Variants in SDK2 observed in about 807,000 individuals in gnomAD.
The protein encoded by SDK2 is protein sidekick-2.
SDK2 carries 105 observed loss-of-function variants against 253.9 expected under a neutral mutation model. That is an observed-to-expected ratio of 0.41 (90% confidence interval 0.35 to 0.49). The LOEUF is 0.49. Ranked by LOEUF, SDK2 falls within the 20% of genes least tolerant of loss-of-function variation. The probability of loss-of-function intolerance (pLI) is 0.06; values close to 1 mark genes in which losing one functional copy is unlikely to be tolerated. For missense variants in SDK2, 2,608 were observed against 3,003.0 expected, an observed-to-expected ratio of 0.87 and a Z score of 3.07; for synonymous variants, 1,249 against 1,234.9, an observed-to-expected ratio of 1.01 and a Z score of -0.24.
intron 1 of SDK2, among the ~76,000 whole-genome samples, chr17:73,581,769 GC>G (rs1276435885): frequency 6.6e-6 from 1 of 152,230 alleles, no homozygotes; most frequent in African/African-American, 2.4e-5. Flanking sequence ...ATTTCAGACA[GC>G]CCAGGTCACC....
intron 3 of SDK2, among the ~76,000 whole-genome samples, chr17:73,470,144 C>T (rs1482411014): frequency 6.6e-6 from 1 of 152,130 alleles, no homozygotes; most frequent in Non-Finnish European, 1.5e-5. Flanking sequence ...TACTCAAATG[C>T]ACACACATGA....
chr17:73,545,194 T>C (rs12938285), intron 1 of SDK2, among the ~76,000 whole-genome samples: 4,742 of 151,046 alleles, frequency 0.031, 109 homozygotes, highest in Non-Finnish European at 0.049. Context: ...GGGGTTCCCC[T>C]CCCCTGGAAA....
At chr17:73,385,954 G>A (rs370285630) in intron 31 of SDK2, 37 bp from the exon 32 acceptor site, 30 of 1,483,572 alleles carry the variant, frequency 2.0e-5, no homozygotes, top group Middle Eastern at 1.7e-4. Flanking sequence ...TCTGGGGGCC[G>A]CAGCTTCAAG....
At chr17:73,456,960 C>G (rs2063529788) in intron 3 of SDK2, among the ~76,000 whole-genome samples, 1 of 152,210 alleles carries the variant, frequency 6.6e-6, no homozygotes, top group Non-Finnish European at 1.5e-5. Context: ...GCCTAGGCAC[C>G]ACACCTGGGC....
chr17:73,391,439 C>A lies in SDK2; in HGVS notation c.3997+1G>T. ...GGGGCACGGGAAGGGCAAAGGCTTA[C>A]CAAGAATGATGCCATTGGGGGCGGC... On this transcript the variant is annotated splice_donor_variant, in intron 28 of 44. Transcript: ENST00000392650. LOFTEE classifies it high-confidence loss of function. 2 of 1,307,884 alleles carry A rather than the reference C, an allele frequency of 1.5e-6. No homozygotes were observed. Among genetic ancestry groups the A allele is most frequent in the Non-Finnish European group, 2.0e-6 (2 of 1,019,098 alleles). 81.0% of individuals were successfully genotyped at this position (1,307,884 alleles called of 1,614,324 possible). A position where few individuals can be genotyped will look rare whatever the true frequency, so the allele number is the denominator to read the frequency against.
intron 36 of SDK2, among the ~76,000 whole-genome samples, chr17:73,376,506 G>A (rs373316596): frequency 8.3e-4 from 126 of 152,338 alleles, no homozygotes; most frequent in Middle Eastern, 3.4e-3. Flanking sequence ...ATGTTCGTGC[G>A]TGTTGATGTC....
intron 1 of SDK2, among the ~76,000 whole-genome samples, chr17:73,557,965 C>T (rs1638769869): frequency 6.6e-6 from 1 of 152,214 alleles, no homozygotes; most frequent in Admixed American, 6.5e-5. Context: ...CTCTCTCAGC[C>T]TCTCCCCAGG....
At chr17:73,412,468 T>C (rs1414706300) in intron 18 of SDK2, among the ~76,000 whole-genome samples, 2 of 151,990 alleles carry the variant, frequency 1.3e-5, no homozygotes, top group Admixed American at 1.3e-4. Context: ...TTATCTGTTA[T>C]GGGCTGAGTT....
intron 37 of SDK2, among the ~76,000 whole-genome samples, chr17:73,367,700 C>T (rs189100512): frequency 6.4e-4 from 98 of 152,200 alleles, no homozygotes; most frequent in South Asian, 6.4e-3. Context: ...GACAGGGTGT[C>T]ACCATGTTGG....
At chr17:73,532,735 C>G (rs2145806094) in intron 1 of SDK2, among the ~76,000 whole-genome samples, 1 of 152,260 alleles carries the variant, frequency 6.6e-6, no homozygotes. Flanking sequence ...GAGGCTCTCT[C>G]TTGTCCCACC....
In SDK2 at chr17:73,643,476, G is replaced by A. The variant is rs1371328824; in HGVS notation, c.64+549C>T. On this transcript the variant is annotated intron_variant, in intron 1 of 44. Coordinates refer to ENST00000392650, the MANE Select transcript of SDK2 (RefSeq NM_001144952.2). The surrounding 1 kb of genome is among the most constrained non-coding windows in gnomAD (Gnocchi z 6.9). ...GCACCCCCAGCCCCAGCGGCTGGCCGAGCAGCCAGGGGCGGGCTCCCGTAC... is the reference window on the plus strand; with the variant it reads ...GCACCCCCAGCCCCAGCGGCTGGCCAAGCAGCCAGGGGCGGGCTCCCGTAC... 1.3e-5 allele frequency among the ~76,000 whole-genome samples: 2 copies of A among 152,096 alleles called. No homozygotes were observed. The highest frequency in any genetic ancestry group is 2.4e-5 in the African/African-American group (1 of 41,448).
At chr17:73,577,947 C>T (rs568250045) in intron 1 of SDK2, among the ~76,000 whole-genome samples, 7 of 152,122 alleles carry the variant, frequency 4.6e-5, no homozygotes, top group East Asian at 3.9e-4. Flanking sequence ...CAGAAGAGGA[C>T]GGCAGAAGGG....
rs140154182 is a variant in SDK2 at position 73,374,714 on chromosome 17, C to A, written c.4980+4463G>T. On this transcript the variant is annotated intron_variant, in intron 36 of 44. Transcript: ENST00000392650. ...AACTCCTGACCTCAAGTGATCTGCC[C>A]GCCTTGGGCTCCCAAAGTGCTGGGA... Among the ~76,000 whole-genome samples the A allele has an allele frequency of 2.9e-3, 436 of 151,868 alleles. 4 individuals are homozygous for A. Among genetic ancestry groups the A allele is most frequent in the African/African-American group, 0.01 (424 of 41,338 alleles).
intron 39 of SDK2, among the ~76,000 whole-genome samples, chr17:73,359,662 T>C (rs2062624898): frequency 6.6e-6 from 1 of 152,178 alleles, no homozygotes; most frequent in Admixed American, 6.5e-5. Context: ...ATTTCTTTTT[T>C]TGAGACACGT....
At position 73,642,122 on chromosome 17, in the gene SDK2, A is replaced by C. The variant is rs529322389; in HGVS notation, c.64+1903T>G. ...CCCCTCCCGCAGGAGGCGCAGGGAC[A>C]GGGGGCCACCTGGCCTTAACTTCAG... On this transcript the variant is annotated intron_variant, in intron 1 of 44. Transcript: ENST00000392650. The surrounding 1 kb of genome is among the most constrained non-coding windows in gnomAD (Gnocchi z 4.7). Among the ~76,000 whole-genome samples, 51 of 152,306 alleles carry C rather than the reference A, an allele frequency of 3.3e-4. 1 individual carries two copies. The South Asian group carries it at 9.5e-3, about 28-fold the overall frequency.
intron 36 of SDK2, among the ~76,000 whole-genome samples, chr17:73,376,724 C>T (rs775285681): frequency 7.2e-5 from 11 of 152,180 alleles, no homozygotes; most frequent in South Asian, 2.1e-4. Context: ...CTGCTGCTGG[C>T]GCTGCCCTGG....
At chr17:73,614,226 A>G (rs2046018143) in intron 1 of SDK2, among the ~76,000 whole-genome samples, 1 of 152,148 alleles carries the variant, frequency 6.6e-6, no homozygotes. Flanking sequence ...TAGCCTGGAA[A>G]GTACCCCCAC....
Position 73,483,688 on chromosome 17 carries a change from TATATATATATATATATATA to T in SDK2, c.225-11489_225-11471del, listed in dbSNP as rs1255153708. Among the ~76,000 whole-genome samples the T allele has an allele frequency of 2.8e-4, 22 of 79,622 alleles. 3 individuals are homozygous for T. The highest frequency in any genetic ancestry group is 9.1e-4 in the African/African-American group (18 of 19,730). 52.2% of individuals were successfully genotyped at this position (79,622 alleles called of 152,430 possible). A position where few individuals can be genotyped will look rare whatever the true frequency, so the allele number is the denominator to read the frequency against. On this transcript the variant is annotated intron_variant, in intron 2 of 44. Transcript: ENST00000392650. ...ATATATATATATATATATATTTATA[TATATATATATATATATATA>T]TTTTTTTTTTTTTTTAGTAGAGTTG...
chr17:73,520,318 ACGAGGTCTGGTGGCCCACTGCC>A (rs2064067756), intron 1 of SDK2: 1 of 152,368 alleles, frequency 6.6e-6, no homozygotes, highest in Admixed American at 6.5e-5. Flanking sequence ...CAGAGAACCC[ACGAGGTCTGGTGGCCCACTGCC>A]CCTTGCTGGA....
Sources: allele counts gnomAD v4.1 joint callset (sites outside exome capture counted in the v4.1 genomes callset), GRCh38; gene constraint gnomAD v4.1.1; non-coding constraint Gnocchi (gnomAD v3.1); transcripts MANE v1.5; gene names NCBI Gene and HGNC (gene_info 2026-07-23, HGNC 2026-07-21).